The following SPPL2B variants were observed in gnomAD, a reference collection of about 807,000 sequenced individuals.
SPPL2B encodes the protein signal peptide peptidase like 2B, also known as signal peptide peptidase-like 2B.
SPPL2B carries 39 observed loss-of-function variants against 59.7 expected under a neutral mutation model. The ratio of observed to expected loss-of-function variants is 0.65; its 90% CI spans 0.51 to 0.85. The LOEUF is 0.85. Among genes scored for constraint, SPPL2B ranks in the 40% least tolerant of loss-of-function variants. The probability of loss-of-function intolerance (pLI) is 0.00; values close to 1 mark genes in which losing one functional copy is unlikely to be tolerated. For missense variants in SPPL2B, 865 were observed against 849.0 expected (o/e 1.02, Z -0.23); for synonymous variants, 419 against 370.8 (o/e 1.13, Z -1.49).
chr19:2,341,247 C>G (rs762302830), intron 8 of SPPL2B: 1 of 673,810 alleles, frequency 1.5e-6, no homozygotes, highest in Non-Finnish European at 2.7e-6. Context: ...GAGGAGAGGC[C>G]GGAGCCCCTG....
At chr19:2,340,421 C>T (rs1355413746) in intron 7 of SPPL2B, 5 of 637,556 alleles carry the variant, frequency 7.8e-6, no homozygotes, top group Non-Finnish European at 1.1e-5. Context: ...GAACCCTGCC[C>T]CAGGTCGCAG....
chr19:2,349,118 TCC>T (rs1491367098), intron 13 of SPPL2B, among the ~76,000 whole-genome samples: 3 of 83,652 alleles, frequency 3.6e-5, no homozygotes, highest in Non-Finnish European at 2.3e-5. Context: ...TTCCATTCTC[TCC>T]CTCCACACAC....
intron 13 of SPPL2B, among the ~76,000 whole-genome samples, chr19:2,349,799 C>T (rs1969785401): frequency 8.7e-6 from 1 of 114,838 alleles, no homozygotes; most frequent in African/African-American, 3.6e-5. Flanking sequence ...CACACACTCA[C>T]GCGCTCTCAT....
intron 13 of SPPL2B, among the ~76,000 whole-genome samples, chr19:2,350,416 CTCCA>C (rs1969858547): frequency 9.5e-6 from 1 of 105,574 alleles, no homozygotes; most frequent in Non-Finnish European, 2.2e-5. Flanking sequence ...TCCGTTCTCT[CTCCA>C]CACACACACT....
intron 13 of SPPL2B, among the ~76,000 whole-genome samples, chr19:2,348,070 C>CT (rs1475749417): frequency 1.1e-5 from 1 of 91,628 alleles, no homozygotes; most frequent in East Asian, 3.6e-4. Context: ...ATTCCATTCT[C>CT]TCCCTCCACA....
chr19:2,341,955 A>C (rs1969084065), intron 8 of SPPL2B: 1 of 199,398 alleles, frequency 5.0e-6, no homozygotes, highest in Non-Finnish European at 1.0e-5. Flanking sequence ...AATCAGAAAA[A>C]ATAACTGGCC....
chr19:2,344,252 T>G, intron 10 of SPPL2B, 110 bp from the exon 11 acceptor site: 2 of 241,640 alleles, frequency 8.3e-6, no homozygotes, highest in Non-Finnish European at 1.5e-5. Context: ...CCCATCACCC[T>G]GCCCCTTGCA....
At chr19:2,341,082 C>T (rs758193638) in intron 8 of SPPL2B, 68 bp downstream of exon 8, 2 of 1,122,088 alleles carry the variant, frequency 1.8e-6, no homozygotes, top group Non-Finnish European at 2.6e-6. Flanking sequence ...CTCCTGGGGC[C>T]CTGACTCCCT....
rs187175620 is a variant in SPPL2B at position 2,332,500 on chromosome 19, C to A, written c.67-2102C>A. ...CCCGTTTGGTGCGCAGCTCAGCATC[C>A]GTTCAGACATGTGGCTGCCATCCTG... On this transcript the variant is annotated intron_variant, in intron 1 of 14. Transcript: ENST00000613503. This position sits in a 1 kb window ranked among gnomAD's most constrained non-coding sequence, Gnocchi z 4.6. 5.3e-5 allele frequency among the ~76,000 whole-genome samples: 8 copies of A among 152,346 alleles called. No homozygotes were observed. Among genetic ancestry groups the A allele is most frequent in the African/African-American group, 1.9e-4 (8 of 41,574 alleles).
At position 2,332,895 on chromosome 19, in the gene SPPL2B, G is replaced by C. The variant is rs936153655; in HGVS notation, c.67-1707G>C. Among the ~76,000 whole-genome samples, 12 of 152,094 alleles carry C rather than the reference G, an allele frequency of 7.9e-5. No homozygotes were observed. The highest frequency in any genetic ancestry group is 7.9e-4 in the Admixed American group (12 of 15,274). Reference sequence around the variant, plus strand: ...TGTCTTTGTCAGCTGCTGGGTGGGGGCCCTGGGCAGGGGAGCAGAAGGAAG... The same window carrying C: ...TGTCTTTGTCAGCTGCTGGGTGGGGCCCCTGGGCAGGGGAGCAGAAGGAAG... On this transcript the variant is annotated intron_variant, in intron 1 of 14. Transcript: ENST00000613503. The surrounding 1 kb of genome is among the most constrained non-coding windows in gnomAD (Gnocchi z 4.6).
intron 13 of SPPL2B, among the ~76,000 whole-genome samples, chr19:2,348,101 C>T (rs1196923814): frequency 9.5e-6 from 1 of 105,372 alleles, no homozygotes; most frequent in Non-Finnish European, 1.9e-5. Flanking sequence ...CGCTGTCATT[C>T]GCTTGATTCC....
intron 14 of SPPL2B, chr19:2,351,803 C>T: frequency 1.5e-6 from 1 of 664,882 alleles, no homozygotes; most frequent in Non-Finnish European, 2.4e-6. Flanking sequence ...TGCGGGGGTG[C>T]CAGGTGGGGC....
chr19:2,349,448 G>A (rs868524846), intron 13 of SPPL2B, among the ~76,000 whole-genome samples: 79 of 6,832 alleles, frequency 0.012, 6 homozygotes, highest in African/African-American at 0.051. Flanking sequence ...ACACACACGC[G>A]CTCTCATTCG....
chr19:2,348,196 C>G (rs1969597086), intron 13 of SPPL2B, among the ~76,000 whole-genome samples: 1 of 107,398 alleles, frequency 9.3e-6, no homozygotes, highest in African/African-American at 4.0e-5. Flanking sequence ...TCGCTTGATT[C>G]CGTTCTCTCT....
intron 1 of SPPL2B, among the ~76,000 whole-genome samples, chr19:2,331,627 T>C (rs1968298980): frequency 6.6e-6 from 1 of 152,220 alleles, no homozygotes; most frequent in South Asian, 2.1e-4. Context: ...TGCATGAATG[T>C]GCTTTTGTGC....
chr19:2,336,014 G>A (rs1428940905), intron 2 of SPPL2B, among the ~76,000 whole-genome samples: 1 of 152,198 alleles, frequency 6.6e-6, no homozygotes, highest in Non-Finnish European at 1.5e-5. Flanking sequence ...ATAGGTATGT[G>A]AACACATGTA....
chr19:2,352,556 C>A (rs527945152), intron 14 of SPPL2B, among the ~76,000 whole-genome samples: 1 of 152,150 alleles, frequency 6.6e-6, no homozygotes, highest in East Asian at 1.9e-4. Context: ...TGGCCTGAGA[C>A]CAGGCCCCAG....
At chr19:2,338,018 G>A (rs973494338) in intron 3 of SPPL2B, 5 of 93,532 alleles carry the variant, frequency 5.3e-5, no homozygotes, top group African/African-American at 1.4e-4. Flanking sequence ...CCCTCTAGCC[G>A]GTGGGGCCGT....
Position 2,343,297 on chromosome 19 carries a change from G to C in SPPL2B, c.1038+5G>C. The C allele has an allele frequency of 6.4e-7, 1 of 1,551,706 alleles. No homozygotes were observed. The highest frequency in any genetic ancestry group is 8.7e-7 in the Non-Finnish European group (1 of 1,147,052). ...ATCCGTCTGCCCACCTTCAAGGTGA[G>C]TGCAGGGAGGGCACGGCTGCGGGGC... On this transcript the variant is annotated splice_donor_5th_base_variant and intron_variant, in intron 9 of 14. Coordinates refer to ENST00000613503, the MANE Select transcript of SPPL2B (RefSeq NM_152988.3).
Sources: gnomAD v4.1 joint callset for allele counts (sites outside exome capture counted in the v4.1 genomes callset) on GRCh38, gnomAD v4.1.1 for gene constraint, Gnocchi (gnomAD v3.1) non-coding constraint, MANE v1.5 for transcripts, NCBI Gene and HGNC (gene_info 2026-07-23, HGNC 2026-07-21) for gene names.